NAA15: variants seen among roughly 807,000 people sequenced by gnomAD.
The protein encoded by NAA15 is N-terminal acetyltransferase.
In NAA15, 34 loss-of-function variants were observed where a neutral mutation model predicts 114.0. The ratio of observed to expected loss-of-function variants is 0.30; its 90% confidence interval spans 0.23 to 0.40. The LOEUF (loss-of-function observed/expected upper bound fraction) is 0.40. Ranked by LOEUF, NAA15 falls within the 10% of genes least tolerant of loss-of-function variation. NAA15 has a pLI of 1.00. For missense variants in NAA15, 658 were observed against 1,004.5 expected (o/e 0.66, Z 4.66); for synonymous variants, 340 against 338.0 (o/e 1.01, Z -0.06).
At chr4:139,323,633 C>T (rs1254108019) in intron 1 of NAA15, among the ~76,000 whole-genome samples, 1 of 152,176 alleles carries the variant, frequency 6.6e-6, no homozygotes, top group African/African-American at 2.4e-5. Flanking sequence ...CACCCACACC[C>T]CTACACCTCT....
At chr4:139,375,038 C>T (rs1472117013) in intron 15 of NAA15, among the ~76,000 whole-genome samples, 2 of 148,500 alleles carry the variant, frequency 1.3e-5, no homozygotes, top group African/African-American at 5.0e-5. Flanking sequence ...CAGTCTGTAC[C>T]CTACTGTACC....
intron 6 of NAA15, among the ~76,000 whole-genome samples, chr4:139,345,553 T>TTGG (rs1313948895): frequency 1.3e-5 from 2 of 152,146 alleles, no homozygotes; most frequent in African/African-American, 4.8e-5. Flanking sequence ...TTAGAAGTCA[T>TTGG]TGGTGACCTT....
At chr4:139,369,977 G>A (rs897426122) in intron 14 of NAA15, among the ~76,000 whole-genome samples, 4 of 151,924 alleles carry the variant, frequency 2.6e-5, no homozygotes, top group African/African-American at 9.7e-5. Context: ...GCTAATTTTT[G>A]TATTTTTAGT....
intron 3 of NAA15, among the ~76,000 whole-genome samples, chr4:139,339,611 C>T (rs1193435845): frequency 6.6e-6 from 1 of 151,826 alleles, no homozygotes; most frequent in Non-Finnish European, 1.5e-5. Context: ...TATAGCTGGG[C>T]GTGGTGGCAG....
intron 1 of NAA15, among the ~76,000 whole-genome samples, chr4:139,327,221 G>A (rs1025358610): frequency 1.3e-5 from 2 of 151,978 alleles, no homozygotes; most frequent in Admixed American, 6.6e-5. Flanking sequence ...ATAGACATGA[G>A]CCACCGTGCC....
rs1745755687 is a variant in NAA15, at chr4:139,301,729, T to G, written c.-49T>G. ...CGGCAGCGGCGGCGGTCGGACAAAC[T>G]GACTGACCGAGCCGGGTGGTGGCGG... On this transcript the variant is annotated 5_prime_UTR_variant, in exon 1 of 20. Coordinates refer to ENST00000296543, the MANE Select transcript of NAA15 (RefSeq NM_057175.5). 2 of 1,534,074 alleles carry G rather than the reference T, an allele frequency of 1.3e-6. No homozygotes were observed. Among genetic ancestry groups the G allele is most frequent in the Admixed American group, 4.0e-5 (2 of 50,598 alleles).
chr4:139,376,515 T>C (rs368723857), intron 16 of NAA15, 42 bp downstream of exon 16: 1 of 1,213,144 alleles, frequency 8.2e-7, no homozygotes, highest in Non-Finnish European at 1.2e-6. Flanking sequence ...AACTGATCAC[T>C]GTATTTCTTA....
chr4:139,364,044 C>G (rs760020762), intron 14 of NAA15, among the ~76,000 whole-genome samples: 17 of 152,212 alleles, frequency 1.1e-4, no homozygotes, highest in Non-Finnish European at 1.9e-4. Context: ...CTGCACCCAG[C>G]TAATTTATTT....
chr4:139,386,310 C>A, intron 19 of NAA15, 80 bp downstream of exon 19: 1 of 717,074 alleles, frequency 1.4e-6, no homozygotes, highest in East Asian at 2.8e-5. Context: ...TATTTATACA[C>A]ACTGTTTTTT....
In NAA15 at chr4:139,388,090, A is replaced by G. The variant is rs1365166026; in HGVS notation, c.*6A>G. On this transcript the variant is annotated 3_prime_UTR_variant, in exon 20 of 20. Coordinates refer to ENST00000296543, the MANE Select transcript of NAA15 (RefSeq NM_057175.5). ...AACTGGCCAATGAAATTTGAACATCACTAAACAAGCAAATGGAATGACTTT... is the reference window on the plus strand; with the variant it reads ...AACTGGCCAATGAAATTTGAACATCGCTAAACAAGCAAATGGAATGACTTT... 6.2e-7 allele frequency: 1 copy of G among 1,612,410 alleles called. No individual in the cohort carries two copies. The highest frequency in any genetic ancestry group is 1.1e-5 in the South Asian group (1 of 90,960).
At chr4:139,311,920 A>G (rs1746238814) in intron 1 of NAA15, among the ~76,000 whole-genome samples, 1 of 151,752 alleles carries the variant, frequency 6.6e-6, no homozygotes, top group Non-Finnish European at 1.5e-5. Flanking sequence ...GCGCCTGTGA[A>G]TTGCTACTGC....
At chr4:139,325,725 T>G (rs1746778190) in intron 1 of NAA15, among the ~76,000 whole-genome samples, 1 of 152,232 alleles carries the variant, frequency 6.6e-6, no homozygotes, top group East Asian at 1.9e-4. Context: ...CACGGCTCAC[T>G]GCAGCCTTGG....
chr4:139,341,022 G>T lies in NAA15; in HGVS notation c.355G>T (p.Asp119Tyr). 1 of 1,607,776 alleles carries T rather than the reference G, an allele frequency of 6.2e-7. No homozygotes were observed. Among genetic ancestry groups the T allele is most frequent in the Non-Finnish European group, 8.5e-7 (1 of 1,177,398 alleles). ...WDKDNLQILR[D>Y]LSLLQIQMRD... The stretch of plus-strand genomic sequence containing the variant: ...TAAAGACAATCTTCAAATCTTAAGG[G>T]ACCTTTCCTTACTACAGATTCAAAT... Residue 119 changes from aspartate to tyrosine, a missense_variant, in exon 4 of 20, where the codon GAC (aspartate) becomes TAC (tyrosine). Transcript: ENST00000296543.
intron 1 of NAA15, among the ~76,000 whole-genome samples, chr4:139,315,080 T>TAG (rs1746364799): frequency 1.3e-5 from 1 of 78,430 alleles, no homozygotes; most frequent in African/African-American, 6.0e-5. Flanking sequence ...GTTTAGTTTT[T>TAG]GAGACGGAGT....
intron 1 of NAA15, among the ~76,000 whole-genome samples, chr4:139,327,281 G>C (rs975668467): frequency 6.6e-6 from 1 of 151,434 alleles, no homozygotes; most frequent in Non-Finnish European, 1.5e-5. Flanking sequence ...ACAGAGTCTC[G>C]CTCTGTCACC....
In NAA15 at chr4:139,390,381, T is replaced by C. The variant is rs1054961674; in HGVS notation, c.*2297T>C. ...TGTCCAGACATCACCCCTGAAACAC[T>C]GTACTGTACTATCTTGCTCTGAGTA... On this transcript the variant is annotated 3_prime_UTR_variant, in exon 20 of 20. Transcript: ENST00000296543. 2.6e-5 allele frequency: 4 copies of C among 152,642 alleles called. No individual in the cohort carries two copies. Among genetic ancestry groups the C allele is most frequent in the African/African-American group, 9.7e-5 (4 of 41,446 alleles). The allele number at this position is 152,642 out of a possible 1,614,324, so 9.5% of individuals were successfully genotyped here. A position where few individuals can be genotyped will look rare whatever the true frequency, so the allele number is the denominator to read the frequency against.
intron 1 of NAA15, among the ~76,000 whole-genome samples, chr4:139,319,542 C>T (rs1048598429): frequency 1.3e-5 from 2 of 152,108 alleles, no homozygotes; most frequent in African/African-American, 2.4e-5. Context: ...CTCAAGCGAT[C>T]CTCCCACCTC....
At chr4:139,386,465 T>A in intron 19 of NAA15, 1 of 305,540 alleles carries the variant, frequency 3.3e-6, no homozygotes, top group Non-Finnish European at 6.1e-6. Context: ...TCCATCGTCA[T>A]TTTTGGATTT....
intron 17 of NAA15, among the ~76,000 whole-genome samples, chr4:139,384,486 T>G (rs1436244464): frequency 1.3e-5 from 2 of 150,066 alleles, no homozygotes; most frequent in Non-Finnish European, 3.0e-5. Flanking sequence ...TCTCAATCAG[T>G]CAGTCAGTTT....
Sources: allele counts gnomAD v4.1 joint callset (sites outside exome capture counted in the v4.1 genomes callset), GRCh38; gene constraint gnomAD v4.1.1; transcripts MANE v1.5; gene names NCBI Gene and HGNC (gene_info 2026-07-23, HGNC 2026-07-21).